Variants in KCNN3 observed in about 807,000 individuals in gnomAD.
KCNN3 encodes potassium calcium-activated channel subfamily N member 3, also known as small conductance calcium-activated potassium channel protein 3.
Under a neutral mutation model 62.9 loss-of-function variants are expected in KCNN3, and 16 were observed. The observed-to-expected ratio is 0.25, with a 90% CI of 0.17 to 0.39. The LOEUF (loss-of-function observed/expected upper bound fraction) is 0.39, where lower values mean the gene tolerates loss of function less well. KCNN3 is among the 10% of genes least tolerant of loss of function. KCNN3 has a pLI of 1.00. For synonymous variants in KCNN3, 370 were observed against 389.2 expected (o/e 0.95, Z 0.58); for missense variants, 599 against 949.4 (o/e 0.63, Z 4.85).
chr1:154,802,168 A>T (rs1346078759), intron 2 of KCNN3, among the ~76,000 whole-genome samples: 6 of 152,242 alleles, frequency 3.9e-5, no homozygotes, highest in Non-Finnish European at 8.8e-5. Flanking sequence ...CTGATATTAG[A>T]TGAAGAAACT....
intron 3 of KCNN3, among the ~76,000 whole-genome samples, chr1:154,743,125 G>C (rs12121118): frequency 1.3e-5 from 2 of 150,206 alleles, no homozygotes; most frequent in African/African-American, 2.5e-5. Flanking sequence ...CTCTCACCTT[G>C]TCCAGCCCCA....
chr1:154,779,132 G>T (rs1325097144), intron 2 of KCNN3, among the ~76,000 whole-genome samples: 1 of 152,074 alleles, frequency 6.6e-6, no homozygotes, highest in African/African-American at 2.4e-5. Flanking sequence ...CTCACCCAAG[G>T]TGAGACCAGC....
At chr1:154,747,655 A>AGTCGGCT (rs1333711650) in intron 3 of KCNN3, among the ~76,000 whole-genome samples, 3 of 152,204 alleles carry the variant, frequency 2.0e-5, no homozygotes, top group Non-Finnish European at 4.4e-5. Flanking sequence ...CCACAGCAGA[A>AGTCGGCT]GTCGGCTGTC....
chr1:154,756,346 A>G (rs1647710726), intron 3 of KCNN3, among the ~76,000 whole-genome samples: 1 of 152,190 alleles, frequency 6.6e-6, no homozygotes, highest in African/African-American at 2.4e-5. Flanking sequence ...GAGGAGGAAG[A>G]AGAAGAAACA....
At chr1:154,865,460 A>T (rs1443923843) in intron 1 of KCNN3, among the ~76,000 whole-genome samples, 1 of 152,176 alleles carries the variant, frequency 6.6e-6, no homozygotes, top group African/African-American at 2.4e-5. Flanking sequence ...TGTCCCAGGC[A>T]TAATAATGAG....
rs1230800806 is a variant in KCNN3 at position 154,725,144 on chromosome 1, G to A, written c.1701+772C>T. 7.9e-5 allele frequency among the ~76,000 whole-genome samples: 12 copies of A among 152,218 alleles called. No individual in the cohort carries two copies. The South Asian group carries it at 8.3e-4, about 11-fold the overall frequency. On this transcript the variant is annotated intron_variant, in intron 5 of 7. Transcript: ENST00000271915. The stretch of plus-strand genomic sequence containing the variant: ...GCTGGGATTACAGGCGTGAGCCGCC[G>A]CTCCCAGCATAGAATGATTCTTTAA...
chr1:154,738,627 G>C (rs572514215), intron 3 of KCNN3, among the ~76,000 whole-genome samples: 15 of 152,234 alleles, frequency 9.9e-5, no homozygotes, highest in African/African-American at 2.9e-4. Context: ...AGGACAACCC[G>C]TCCGGGCTGG....
At chr1:154,716,148 T>TCCATTGACATGGAAC (rs1700230249) in intron 5 of KCNN3, among the ~76,000 whole-genome samples, 4 of 152,204 alleles carry the variant, frequency 2.6e-5, no homozygotes, top group Admixed American at 6.5e-5. Flanking sequence ...ACCACTGATA[T>TCCATTGACATGGAAC]CACCAGGCTC....
intron 3 of KCNN3, among the ~76,000 whole-genome samples, chr1:154,747,471 A>G (rs1700964036): frequency 6.6e-6 from 1 of 152,162 alleles, no homozygotes; most frequent in Admixed American, 6.5e-5. Context: ...GGCTAATAGT[A>G]GTTGAAGGAT....
chr1:154,791,497 C>T (rs544937529), intron 2 of KCNN3, among the ~76,000 whole-genome samples: 22 of 152,156 alleles, frequency 1.4e-4, no homozygotes, highest in African/African-American at 4.8e-4. Context: ...AGTAAGCAAC[C>T]AGCCCAAGCC....
intron 1 of KCNN3, among the ~76,000 whole-genome samples, chr1:154,857,945 C>A (rs114360952): frequency 1.3e-3 from 195 of 152,284 alleles, no homozygotes; most frequent in Non-Finnish European, 2.3e-3. Context: ...CGGTGCCTTC[C>A]CCCAAGCTGC....
chr1:154,702,299 GTTACAATATAT>G lies in KCNN3; in HGVS notation c.*5666_*5676del, dbSNP rs1393850875. 1 of 151,798 alleles carries G rather than the reference GTTACAATATAT, an allele frequency of 6.6e-6. No homozygotes were observed. Among genetic ancestry groups the G allele is most frequent in the Non-Finnish European group, 1.5e-5 (1 of 68,008 alleles). 9.4% of individuals were successfully genotyped at this position (151,798 alleles called of 1,614,324 possible). On this transcript the variant is annotated 3_prime_UTR_variant, in exon 8 of 8. Transcript: ENST00000271915. ...GTTTGATACAAAATGTTAATTGAAA[GTTACAATATAT>G]TTTATAATATATCAATATATTTCAT...
chr1:154,733,632 T>C lies in KCNN3; in HGVS notation c.1449-488A>G, dbSNP rs1700647101. On this transcript the variant is annotated intron_variant, in intron 3 of 7. Transcript: ENST00000271915. ...CTCAAAGACTGGCATCTCCCGGGGG[T>C]CTGGAGGGAAGCTGTGGTGGTTGGG... 4.0e-5 allele frequency among the ~76,000 whole-genome samples: 6 copies of C among 151,872 alleles called. No homozygotes were observed. In the South Asian group the frequency reaches 1.3e-3, roughly 32 times the overall value.
intron 5 of KCNN3, among the ~76,000 whole-genome samples, chr1:154,718,257 C>T (rs1243052497): frequency 6.6e-6 from 1 of 152,174 alleles, no homozygotes; most frequent in Non-Finnish European, 1.5e-5. Flanking sequence ...TTGTTTTCTG[C>T]AAGCCCAAAA....
intron 1 of KCNN3, among the ~76,000 whole-genome samples, chr1:154,846,591 T>G (rs1316132733): frequency 6.6e-6 from 1 of 152,230 alleles, no homozygotes; most frequent in East Asian, 1.9e-4. Flanking sequence ...CCTCATTGTC[T>G]GCACCGGGAG....
Position 154,713,498 on chromosome 1 carries a change from C to T in KCNN3, c.1865G>A (p.Ser622Asn), listed in dbSNP as rs776442774. 1.2e-6 allele frequency: 2 copies of T among 1,614,122 alleles called. No individual in the cohort carries two copies. The highest frequency in any genetic ancestry group is 1.7e-5 in the Admixed American group (1 of 60,030). Residue 622 changes from serine to asparagine, a missense_variant, in exon 7 of 8, where the codon AGT (serine) becomes AAT (asparagine). Ser to Asn is a conservative substitution (Grantham distance 46). Around this residue, in one of 7 missense-constraint regions of KCNN3, gnomAD observed 288 missense variants for 557.4 expected, o/e 0.52. Coordinates refer to ENST00000271915, the MANE Select transcript of KCNN3 (RefSeq NM_002249.6). Reference sequence around the variant, plus strand: ...GTCCACCAGAGTGTTGGCTTGGTCACTCAGCTTCCTCTGTTCCATCTTGAC... The same window carrying T: ...GTCCACCAGAGTGTTGGCTTGGTCATTCAGCTTCCTCTGTTCCATCTTGAC... ...RSVKMEQRKL[S>N]DQANTLVDLS...
intron 3 of KCNN3, among the ~76,000 whole-genome samples, chr1:154,771,083 A>G (rs1403616731): frequency 6.7e-6 from 1 of 150,056 alleles, no homozygotes; most frequent in Non-Finnish European, 1.5e-5. Context: ...AAATAAATAA[A>G]TAAATAAATA....
chr1:154,795,173 C>A (rs564064454), intron 2 of KCNN3, among the ~76,000 whole-genome samples: 1 of 152,316 alleles, frequency 6.6e-6, no homozygotes, highest in African/African-American at 2.4e-5. Flanking sequence ...GCCCGTCGCC[C>A]AGCCCCTGTG....
At chr1:154,712,146 T>A (rs573496193) in intron 7 of KCNN3, among the ~76,000 whole-genome samples, 1 of 152,220 alleles carries the variant, frequency 6.6e-6, no homozygotes, top group East Asian at 1.9e-4. Flanking sequence ...GCTTCCCAGG[T>A]CTAGTTCGAG....
Sources: allele counts gnomAD v4.1 joint callset (sites outside exome capture counted in the v4.1 genomes callset), GRCh38; gene constraint gnomAD v4.1.1; regional missense constraint gnomAD v4.1.1; transcripts MANE v1.5; gene names NCBI Gene and HGNC (gene_info 2026-07-23, HGNC 2026-07-21).